GOLGA2: variants seen among roughly 807,000 people sequenced by gnomAD.
GOLGA2 encodes golgin subfamily A member 2.
A neutral mutation model predicts 148.8 loss-of-function variants in GOLGA2; 49 were observed. That is an observed-to-expected ratio of 0.33 (90% CI 0.26 to 0.42). GOLGA2 has a LOEUF of 0.42. GOLGA2 is among the 10% of genes least tolerant of loss of function. GOLGA2 has a pLI of 1.00. For synonymous variants in GOLGA2, 501 were observed against 511.8 expected (o/e 0.98, Z 0.28); for missense variants, 1,178 against 1,304.6 (o/e 0.90, Z 1.49).
Position 128,266,867 on chromosome 9 carries a change from A to C in GOLGA2, c.642+327T>G. On this transcript the variant is annotated intron_variant, in intron 8 of 26. Coordinates refer to ENST00000611957, the MANE Select transcript of GOLGA2 (RefSeq NM_001366244.2). This position sits in a 1 kb window ranked among gnomAD's most constrained non-coding sequence, Gnocchi z 4.2. Reference sequence around the variant, plus strand: ...GTGGCTTGTCCCAAATCAAAGAGCAAATTAAGGACTGAGTCAGGGCAGAAA... The same window carrying C: ...GTGGCTTGTCCCAAATCAAAGAGCACATTAAGGACTGAGTCAGGGCAGAAA... The C allele has an allele frequency of 2.3e-6, 1 of 438,230 alleles. No homozygotes were observed. Among genetic ancestry groups the C allele is most frequent in the Non-Finnish European group, 4.1e-6 (1 of 241,118 alleles). The allele number at this position is 438,230 out of a possible 1,614,324, so 27.1% of individuals were successfully genotyped here. A position where few individuals can be genotyped will look rare whatever the true frequency, so the allele number is the denominator to read the frequency against.
intron 14 of GOLGA2, chr9:128,262,074 G>T (rs1014273173): frequency 3.0e-6 from 1 of 328,016 alleles, no homozygotes; most frequent in Admixed American, 4.7e-5. Context: ...GGTAGTGTGC[G>T]CCTGTAGTCC....
Position 128,258,548 on chromosome 9 carries a change from C to T in GOLGA2, c.2196G>A (p.Glu732=), listed in dbSNP as rs1431183452. The part of the protein sequence containing the change: ...PGEGDGLDRE[E]EEDEEEEEEE... ...CCTCCTCCTCCTCCTCATCCTCCTC[C>T]TCCTCCCGGTCCAGTCCATCTCCTA... The change falls in exon 22 of 27, where the codon GAG becomes GAA. Residue 732 remains glutamate (E), a synonymous_variant. Coordinates refer to ENST00000611957, the MANE Select transcript of GOLGA2 (RefSeq NM_001366244.2). This position sits in a 1 kb window ranked among gnomAD's most constrained non-coding sequence, Gnocchi z 6.6. 6.3e-7 allele frequency: 1 copy of T among 1,575,342 alleles called. No individual in the cohort carries two copies. The highest frequency in any genetic ancestry group is 1.4e-5 in the African/African-American group (1 of 73,996).
rs1830346337 is a variant in GOLGA2, at chr9:128,262,704, G to C, written c.993C>G (p.Thr331=). Residue 331 remains threonine, a splice_region_variant and synonymous_variant, in exon 14 of 27, where the codon ACC becomes ACG. Coordinates refer to ENST00000611957, the MANE Select transcript of GOLGA2 (RefSeq NM_001366244.2). Reference sequence around the variant, plus strand: ...CTTGCTTCAGGTCCTCATTGCTTTGGCTATGGCCAGAGGCAGTAGAGAAAG... The same window carrying C: ...CTTGCTTCAGGTCCTCATTGCTTTGCCTATGGCCAGAGGCAGTAGAGAAAG... ...DALRLELYKN[T]QSNEDLKQEK... 1.2e-6 allele frequency: 2 copies of C among 1,612,402 alleles called. No homozygotes were observed. The highest frequency in any genetic ancestry group is 1.3e-5 in the African/African-American group (1 of 74,974).
intron 2 of GOLGA2, 52 bp downstream of exon 2, chr9:128,273,798 C>G: frequency 6.3e-7 from 1 of 1,597,564 alleles, no homozygotes; most frequent in Non-Finnish European, 8.6e-7. Context: ...CAATTACCCT[C>G]TACTGCCCCT....
At chr9:128,263,402 C>T (rs1830393879) in intron 12 of GOLGA2, among the ~76,000 whole-genome samples, 1 of 152,134 alleles carries the variant, frequency 6.6e-6, no homozygotes, top group Admixed American at 6.6e-5. Flanking sequence ...AGGCGTGCAC[C>T]ACCATGTCCG....
rs773345575 is a variant in GOLGA2 at position 128,258,148 on chromosome 9, C to T, written c.2340G>A (p.Arg780=). The T allele has an allele frequency of 7.4e-5, 119 of 1,606,988 alleles. No homozygotes were observed. In the Admixed American group the frequency reaches 2.0e-3, roughly 27 times the overall value. The change falls in exon 23 of 27, where the codon AGG becomes AGA. Residue 780 remains arginine (R), a synonymous_variant. Coordinates refer to ENST00000611957, the MANE Select transcript of GOLGA2 (RefSeq NM_001366244.2). The surrounding 1 kb of genome is among the most constrained non-coding windows in gnomAD (Gnocchi z 6.6). ...AVASAEEEQA[R]LRGQLKEQRV... Reference sequence around the variant, plus strand: ...TTTGCTCCTTCAGCTGCCCACGTAGCCTTGCCTGCTCCTCCTCGGCACTGG... The same window carrying T: ...TTTGCTCCTTCAGCTGCCCACGTAGTCTTGCCTGCTCCTCCTCGGCACTGG...
Position 128,258,810 on chromosome 9 carries a change from T to C in GOLGA2, c.2173+197A>G. On this transcript the variant is annotated intron_variant, in intron 21 of 26. Transcript: ENST00000611957. This position sits in a 1 kb window ranked among gnomAD's most constrained non-coding sequence, Gnocchi z 6.6. Reference sequence around the variant, plus strand: ...CTGCTTCATTTCTGACCTGGGCCAGTTCACCCATCCTTAGGTAAGCTGGTA... The same window carrying C: ...CTGCTTCATTTCTGACCTGGGCCAGCTCACCCATCCTTAGGTAAGCTGGTA... 1 of 621,594 alleles carries C rather than the reference T, an allele frequency of 1.6e-6. No individual in the cohort carries two copies. Among genetic ancestry groups the C allele is most frequent in the East Asian group, 2.7e-5 (1 of 36,696 alleles). The allele number at this position is 621,594 out of a possible 1,614,324, so 38.5% of individuals were successfully genotyped here. A position where few individuals can be genotyped will look rare whatever the true frequency, so the allele number is the denominator to read the frequency against.
intron 7 of GOLGA2, 80 bp from the exon 8 acceptor site, chr9:128,267,354 G>A (rs1830654760): frequency 7.2e-7 from 1 of 1,389,012 alleles, no homozygotes; most frequent in Non-Finnish European, 1.0e-6. Flanking sequence ...GTTGGGGGGT[G>A]TGTGGGCTGT....
chr9:128,271,974 A>G lies in GOLGA2; in HGVS notation c.288+811T>C, dbSNP rs967198348. Among the ~76,000 whole-genome samples, 2 of 151,492 alleles carry G rather than the reference A, an allele frequency of 1.3e-5. No individual in the cohort carries two copies. The highest frequency in any genetic ancestry group is 2.4e-5 in the African/African-American group (1 of 41,218). ...TGAAAAAATAGCTTCAATCCTTCCA[A>G]CTATAATGTGAACTCATTTTCTTTT... On this transcript the variant is annotated intron_variant, in intron 3 of 26. Coordinates refer to ENST00000611957, the MANE Select transcript of GOLGA2 (RefSeq NM_001366244.2). The surrounding 1 kb of genome is among the most constrained non-coding windows in gnomAD (Gnocchi z 4.4).
At position 128,260,771 on chromosome 9, in the gene GOLGA2, C is replaced by T. The variant is rs756290403; in HGVS notation, c.1452G>A (p.Gly484=). The change falls in exon 18 of 27, where the codon GGG becomes GGA. Residue 484 remains glycine (G), a synonymous_variant. Transcript: ENST00000611957. This position sits in a 1 kb window ranked among gnomAD's most constrained non-coding sequence, Gnocchi z 4.8. ...AEPPPPEPPA[G]PSEVEQQLQA... ...GTAGCTGCTGCTCCACCTCGGAGGG[C>T]CCTGCTGGGGGCTCTGGGGGCGGGG... 1.2e-6 allele frequency: 2 copies of T among 1,611,112 alleles called. No individual in the cohort carries two copies. The highest frequency in any genetic ancestry group is 8.5e-7 in the Non-Finnish European group (1 of 1,179,104).
At position 128,261,075 on chromosome 9, in the gene GOLGA2, A is replaced by G. The variant is rs1384490026; in HGVS notation, c.1420+97T>C. The G allele has an allele frequency of 1.3e-5, 11 of 868,532 alleles. No individual in the cohort carries two copies. The highest frequency in any genetic ancestry group is 2.2e-5 in the Non-Finnish European group (11 of 507,418). The allele number at this position is 868,532 out of a possible 1,614,324, so 53.8% of individuals were successfully genotyped here. The stretch of plus-strand genomic sequence containing the variant: ...ACAGACCTCTTTCCCTCTGCCTCAA[A>G]GCCATTCCATCCACCCAACTCCCTG... On this transcript the variant is annotated intron_variant, in intron 17 of 26. Transcript: ENST00000611957. The surrounding 1 kb of genome is among the most constrained non-coding windows in gnomAD (Gnocchi z 5.7).
chr9:128,262,571 G>A lies in GOLGA2; in HGVS notation c.1126C>T (p.Leu376Phe). 1.2e-6 allele frequency: 2 copies of A among 1,613,994 alleles called. No individual in the cohort carries two copies. Among genetic ancestry groups the A allele is most frequent in the Non-Finnish European group, 1.7e-6 (2 of 1,179,902 alleles). ...QKKLEMTELL[L>F]QQFSSRCEAP... ...GGGCTGCAGCCTCTTGCCTGTTGAA[G>A]CAGGAGTTCCGTCATCTCTAACTTC... Residue 376 changes from leucine (L) to phenylalanine (F), a missense_variant, in exon 14 of 27, where the codon CTT (leucine) becomes TTT (phenylalanine). Physicochemically the swap from Leu to Phe is conservative, Grantham distance 22. This residue lies in a region of GOLGA2 where 304 missense variants were observed against 404.1 expected (regional missense o/e 0.75). Coordinates refer to ENST00000611957, the MANE Select transcript of GOLGA2 (RefSeq NM_001366244.2).
chr9:128,258,390 G>GA lies in GOLGA2; in HGVS notation c.2289+64dup. 1 of 1,427,048 alleles carries GA rather than the reference G, an allele frequency of 7.0e-7. No homozygotes were observed. Among genetic ancestry groups the GA allele is most frequent in the Non-Finnish European group, 9.9e-7 (1 of 1,012,650 alleles). The allele number at this position is 1,427,048 out of a possible 1,614,324, so 88.4% of individuals were successfully genotyped here. A position where few individuals can be genotyped will look rare whatever the true frequency, so the allele number is the denominator to read the frequency against. On this transcript the variant is annotated intron_variant, in intron 22 of 26. Coordinates refer to ENST00000611957, the MANE Select transcript of GOLGA2 (RefSeq NM_001366244.2). This position sits in a 1 kb window ranked among gnomAD's most constrained non-coding sequence, Gnocchi z 6.6. ...TCAGAAGGCCGGGAAACCAAGAGCAGAAGGGGGTCTGGGAGGGACCACAGA... is the reference window on the plus strand; with the variant it reads ...TCAGAAGGCCGGGAAACCAAGAGCAGAAAGGGGGTCTGGGAGGGACCACAGA...
intron 12 of GOLGA2, among the ~76,000 whole-genome samples, chr9:128,264,538 T>G (rs908851819): frequency 1.3e-5 from 2 of 152,186 alleles, no homozygotes; most frequent in Non-Finnish European, 2.9e-5. Context: ...GCAATTCTCC[T>G]GCCTCAGCCT....
chr9:128,270,669 A>C (rs1830884669), intron 3 of GOLGA2, among the ~76,000 whole-genome samples: 1 of 152,196 alleles, frequency 6.6e-6, no homozygotes, highest in African/African-American at 2.4e-5. Flanking sequence ...CCTGGAGTAG[A>C]AAACTTACAT....
chr9:128,259,199 C>T lies in GOLGA2; in HGVS notation c.2065G>A (p.Glu689Lys), dbSNP rs753903300. The T allele has an allele frequency of 1.9e-6, 3 of 1,587,244 alleles. No homozygotes were observed. Among genetic ancestry groups the T allele is most frequent in the South Asian group, 1.2e-5 (1 of 84,792 alleles). ...TCCTGCAACTCTTGGCGGGCCATCT[C>T]GGCCACCGCTTTGCCCTGAGCTTCC... ...QQEAQGKAVA[E>K]MARQELQETQ... Residue 689 changes from glutamate (E) to lysine (K), a missense_variant, in exon 20 of 27, where the codon GAG (glutamate) becomes AAG (lysine). Transcript: ENST00000611957.
chr9:128,259,348 CGCT>C lies in GOLGA2; in HGVS notation c.1913_1915del (p.Gln638del). 1 of 1,605,236 alleles carries C rather than the reference CGCT, an allele frequency of 6.2e-7. No individual in the cohort carries two copies. Among genetic ancestry groups the C allele is most frequent in the Non-Finnish European group, 8.5e-7 (1 of 1,176,368 alleles). On this transcript the variant is annotated inframe_deletion, in exon 20 of 27. Transcript: ENST00000611957. ...CTGCAGGTGTCCCAGGTACTGGTCTCGCTGCTGCTGCAGACTTTGAGCCTCTTG... is the reference window on the plus strand; with the variant it reads ...CTGCAGGTGTCCCAGGTACTGGTCTCGCTGCTGCAGACTTTGAGCCTCTTG...
In GOLGA2 at chr9:128,257,347, C is replaced by T; in HGVS notation, c.2875+22G>A. ...CCCTCCCTTACTCCTGCCTGCCCAC[C>T]CCTCCCGAGGGCTCTACTCACCACC... On this transcript the variant is annotated intron_variant, in intron 26 of 26. Transcript: ENST00000611957. This position sits in a 1 kb window ranked among gnomAD's most constrained non-coding sequence, Gnocchi z 8.0. The T allele has an allele frequency of 6.2e-7, 1 of 1,613,116 alleles. No homozygotes were observed. The highest frequency in any genetic ancestry group is 8.5e-7 in the Non-Finnish European group (1 of 1,179,948).
chr9:128,273,725 G>A (rs532558393), intron 2 of GOLGA2, 125 bp downstream of exon 2: 39 of 1,211,254 alleles, frequency 3.2e-5, no homozygotes, highest in South Asian at 4.6e-5. Context: ...CCTAGCAGAT[G>A]GACAGGTAGG....
Sources: allele counts gnomAD v4.1 joint callset (sites outside exome capture counted in the v4.1 genomes callset), GRCh38; gene constraint gnomAD v4.1.1; regional missense constraint gnomAD v4.1.1; non-coding constraint Gnocchi (gnomAD v3.1); transcripts MANE v1.5; gene names NCBI Gene and HGNC (gene_info 2026-07-23, HGNC 2026-07-21).